The following HS2ST1 variants were observed in gnomAD, a reference collection of about 807,000 sequenced individuals.
HS2ST1 encodes the protein 2-O-sulfotransferase.
Under a neutral mutation model 42.9 loss-of-function variants are expected in HS2ST1, and 18 were observed. The observed-to-expected ratio is 0.42, with a 90% CI of 0.29 to 0.62. The LOEUF (loss-of-function observed/expected upper bound fraction) is 0.62, where lower values mean the gene tolerates loss of function less well. Among genes scored for constraint, HS2ST1 ranks in the 20% least tolerant of loss-of-function variants. The pLI, the probability that HS2ST1 is intolerant of heterozygous loss-of-function variation, is 0.21. For synonymous variants in HS2ST1, 146 were observed against 152.9 expected (o/e 0.95, Z 0.33); for missense variants, 334 against 433.8 (o/e 0.77, Z 2.04).
intron 1 of HS2ST1, among the ~76,000 whole-genome samples, chr1:87,062,007 T>G (rs1208989610): frequency 6.6e-6 from 1 of 152,118 alleles, no homozygotes; most frequent in Admixed American, 6.5e-5. Context: ...TGGTTTTGAT[T>G]TGCATGTCCC....
chr1:86,997,874 A>G (rs1272483068), intron 1 of HS2ST1, among the ~76,000 whole-genome samples: 2 of 152,112 alleles, frequency 1.3e-5, no homozygotes, highest in African/African-American at 4.8e-5. Flanking sequence ...GCAATTTAAA[A>G]CTTTTGAATT....
chr1:87,000,351 T>TTTGCTC (rs1649246893), intron 1 of HS2ST1, among the ~76,000 whole-genome samples: 1 of 152,202 alleles, frequency 6.6e-6, no homozygotes, highest in Admixed American at 6.5e-5. Context: ...CCCCTTATTT[T>TTTGCTC]AATGTAATGG....
chr1:87,069,988 A>C (rs558929720), intron 1 of HS2ST1, among the ~76,000 whole-genome samples: 2 of 152,332 alleles, frequency 1.3e-5, no homozygotes, highest in East Asian at 3.9e-4. Context: ...TAACACAAAA[A>C]ATCTTTTTTT....
intron 1 of HS2ST1, among the ~76,000 whole-genome samples, chr1:86,965,810 A>G (rs561944775): frequency 2.0e-5 from 3 of 152,320 alleles, no homozygotes; most frequent in African/African-American, 7.2e-5. Flanking sequence ...TTAGAAATAC[A>G]GGAGTATTTC....
chr1:86,937,095 A>G (rs564421093), intron 1 of HS2ST1, among the ~76,000 whole-genome samples: 2 of 151,838 alleles, frequency 1.3e-5, no homozygotes, highest in Non-Finnish European at 2.9e-5. Flanking sequence ...ACAGAGCAAG[A>G]CTCTGTCTCC....
chr1:86,931,811 A>C (rs538050876), intron 1 of HS2ST1, among the ~76,000 whole-genome samples: 1 of 152,140 alleles, frequency 6.6e-6, no homozygotes, highest in African/African-American at 2.4e-5. Flanking sequence ...GCTTAATACC[A>C]GTAATCTTTT....
chr1:87,045,250 A>G (rs1347691147), intron 1 of HS2ST1: 4 of 1,082,900 alleles, frequency 3.7e-6, no homozygotes, highest in Non-Finnish European at 5.7e-6. Context: ...GGTCTTCACT[A>G]TGAAGGATGT....
chr1:87,101,147 G>GTTTT (rs1557546414), intron 5 of HS2ST1, among the ~76,000 whole-genome samples: 26 of 75,914 alleles, frequency 3.4e-4, no homozygotes, highest in Non-Finnish European at 4.8e-4. Flanking sequence ...GTGTGTGTGT[G>GTTTT]TGTTTTTTGT....
chr1:87,082,379 T>C (rs79805475), intron 2 of HS2ST1, among the ~76,000 whole-genome samples: 4,124 of 152,310 alleles, frequency 0.027, 198 homozygotes, highest in African/African-American at 0.093. Context: ...AAGCTTGTAC[T>C]ATATGATCTT....
chr1:87,051,453 G>T (rs969489290), intron 1 of HS2ST1, among the ~76,000 whole-genome samples: 20 of 151,942 alleles, frequency 1.3e-4, no homozygotes, highest in African/African-American at 4.8e-4. Flanking sequence ...AATATTAATG[G>T]ATTTAAAAAG....
intron 2 of HS2ST1, among the ~76,000 whole-genome samples, chr1:87,083,537 CAT>C (rs1259195630): frequency 1.4e-4 from 22 of 152,076 alleles, no homozygotes; most frequent in Non-Finnish European, 1.5e-5. Flanking sequence ...CAGTTTTAGA[CAT>C]ATTAAAATAT....
At position 87,024,180 on chromosome 1, in the gene HS2ST1, T is replaced by G. The variant is rs538879060; in HGVS notation, c.125-48754T>G. Among the ~76,000 whole-genome samples, 3 of 152,094 alleles carry G rather than the reference T, an allele frequency of 2.0e-5. No homozygotes were observed. In the South Asian group the frequency reaches 6.2e-4, roughly 32 times the overall value. On this transcript the variant is annotated intron_variant, in intron 1 of 6. Coordinates refer to ENST00000370550, the MANE Select transcript of HS2ST1 (RefSeq NM_012262.4). Reference sequence around the variant, plus strand: ...AATGGAAGGAGGAAGCATGGTGAAATTGAGAGATCAGTAGTCATTTTTAAG... The same window carrying G: ...AATGGAAGGAGGAAGCATGGTGAAAGTGAGAGATCAGTAGTCATTTTTAAG...
chr1:87,018,437 C>T lies in HS2ST1; in HGVS notation c.125-54497C>T, dbSNP rs1044717254. ...CAGAACCCTATACCCTATCCACCCA[C>T]GAGGCAGTTTTGTAGCAGAGTAACT... On this transcript the variant is annotated intron_variant, in intron 1 of 6. Coordinates refer to ENST00000370550, the MANE Select transcript of HS2ST1 (RefSeq NM_012262.4). Among the ~76,000 whole-genome samples, 5 of 152,156 alleles carry T rather than the reference C, an allele frequency of 3.3e-5. 1 individual carries two copies. The highest frequency in any genetic ancestry group is 9.7e-5 in the African/African-American group (4 of 41,440).
chr1:87,007,511 T>C (rs1570480196), intron 1 of HS2ST1, among the ~76,000 whole-genome samples: 1 of 152,156 alleles, frequency 6.6e-6, no homozygotes, highest in East Asian at 1.9e-4. Flanking sequence ...TTGGTAATTA[T>C]ACACTCCCAG....
intron 1 of HS2ST1, among the ~76,000 whole-genome samples, chr1:86,952,157 T>C (rs1647537210): frequency 6.6e-6 from 1 of 152,218 alleles, no homozygotes; most frequent in Non-Finnish European, 1.5e-5. Flanking sequence ...GAATCCTTTC[T>C]AGAACGTTTT....
intron 1 of HS2ST1, among the ~76,000 whole-genome samples, chr1:87,002,169 C>T (rs1649306542): frequency 6.6e-6 from 1 of 152,170 alleles, no homozygotes; most frequent in African/African-American, 2.4e-5. Context: ...GCTTCAGCCT[C>T]CCAAAGTGCT....
intron 1 of HS2ST1, among the ~76,000 whole-genome samples, chr1:86,964,243 A>G (rs1450081036): frequency 3.9e-5 from 6 of 152,096 alleles, no homozygotes; most frequent in Non-Finnish European, 7.4e-5. Context: ...GGTGGCGGCC[A>G]GGCAGAGGCT....
intron 5 of HS2ST1, among the ~76,000 whole-genome samples, chr1:87,101,159 T>TG (rs1557546457): frequency 9.4e-5 from 10 of 106,134 alleles, no homozygotes; most frequent in Non-Finnish European, 1.2e-4. Flanking sequence ...GTTTTTTGTT[T>TG]TTTTTTTTTT....
rs961419274 is a variant in HS2ST1 at position 86,914,743 on chromosome 1, G to A, written c.-294G>A. 4 of 439,840 alleles carry A rather than the reference G, an allele frequency of 9.1e-6. No homozygotes were observed. The highest frequency in any genetic ancestry group is 1.6e-5 in the Non-Finnish European group (4 of 243,938). 27.2% of individuals were successfully genotyped at this position (439,840 alleles called of 1,614,324 possible). A position where few individuals can be genotyped will look rare whatever the true frequency, so the allele number is the denominator to read the frequency against. On this transcript the variant is annotated 5_prime_UTR_variant, in exon 1 of 7. Coordinates refer to ENST00000370550, the MANE Select transcript of HS2ST1 (RefSeq NM_012262.4). ...GCGGGCGCGGGGGTCGGGGACTGAG[G>A]CAGTAGAGGGAGGCGAGAGCCCGGC... is the stretch of plus-strand genomic sequence containing the variant.
Sources: gnomAD v4.1 joint callset for allele counts (sites outside exome capture counted in the v4.1 genomes callset) on GRCh38, gnomAD v4.1.1 for gene constraint, MANE v1.5 for transcripts, NCBI Gene and HGNC (gene_info 2026-07-23, HGNC 2026-07-21) for gene names.